TXNDC8: variants seen among roughly 807,000 people sequenced by gnomAD.
TXNDC8 encodes the protein thioredoxin domain-containing protein 8.
A neutral mutation model predicts 12.9 loss-of-function variants in TXNDC8; 15 were observed. The ratio of observed to expected loss-of-function variants is 1.16; its 90% confidence interval spans 0.78 to 1.79. The LOEUF is 1.79. TXNDC8 is among the 40% of genes most tolerant of loss of function. TXNDC8 has a pLI of 0.00. For synonymous variants in TXNDC8, 40 were observed against 35.4 expected (o/e 1.13, Z -0.46); for missense variants, 128 against 113.2 (o/e 1.13, Z -0.59).
intron 3 of TXNDC8, among the ~76,000 whole-genome samples, chr9:110,311,905 T>A (rs78301206): frequency 1.3e-5 from 2 of 149,380 alleles, no homozygotes; most frequent in African/African-American, 4.9e-5. Flanking sequence ...CTTTTTTTTT[T>A]AAGATGAAGT....
rs1237022268 is a variant in TXNDC8, at chr9:110,334,250, C to A, written c.95G>T (p.Cys32Phe). Residue 32 changes from cysteine to phenylalanine, a missense_variant, in exon 2 of 5, where the codon TGT (cysteine) becomes TTT (phenylalanine). Physicochemically the swap from Cys to Phe is radical, Grantham distance 205. Coordinates refer to ENST00000423740, the MANE Select transcript of TXNDC8 (RefSeq NM_001286946.2). The stretch of plus-strand genomic sequence containing the variant: ...AGGAAACATCCTTTTGCAGGGACCA[C>A]ACCGTTTCGAAGAAAATTGAACCAC... 6.2e-7 allele frequency: 1 copy of A among 1,613,822 alleles called. No individual in the cohort carries two copies. Among genetic ancestry groups the A allele is most frequent in the Admixed American group, 1.7e-5 (1 of 60,006 alleles).
chr9:110,332,463 T>C (rs940430698), intron 2 of TXNDC8, among the ~76,000 whole-genome samples: 5 of 152,220 alleles, frequency 3.3e-5, no homozygotes, highest in Non-Finnish European at 4.4e-5. Context: ...ATATCAAAGA[T>C]TGTGACTGTG....
intron 3 of TXNDC8, among the ~76,000 whole-genome samples, chr9:110,317,426 C>A (rs891243380): frequency 1.3e-5 from 2 of 152,200 alleles, no homozygotes; most frequent in Non-Finnish European, 2.9e-5. Context: ...TTGTGCCTAT[C>A]CTCTCTCCTT....
At chr9:110,334,419 G>GT in intron 1 of TXNDC8, 99 bp from the exon 2 acceptor site, 8 of 1,154,110 alleles carry the variant, frequency 6.9e-6, no homozygotes, top group Non-Finnish European at 1.0e-5. Flanking sequence ...TTTGTTTTTG[G>GT]TTTTTTTAAA....
At chr9:110,327,425 C>T (rs572297709) in intron 2 of TXNDC8, among the ~76,000 whole-genome samples, 12 of 151,768 alleles carry the variant, frequency 7.9e-5, no homozygotes, top group Admixed American at 3.9e-4. Context: ...CAGGTTCAAG[C>T]GATTCTCCTG....
chr9:110,326,046 G>A (rs2118834357), intron 3 of TXNDC8, 129 bp downstream of exon 4: 1 of 874,962 alleles, frequency 1.1e-6, no homozygotes, highest in Non-Finnish European at 1.8e-6. Context: ...CTTGTATGTA[G>A]AGAATTATAT....
chr9:110,312,059 A>G (rs969188099), intron 3 of TXNDC8, among the ~76,000 whole-genome samples: 3 of 151,844 alleles, frequency 2.0e-5, no homozygotes, highest in African/African-American at 4.8e-5. Flanking sequence ...CATGGACTGA[A>G]CTAAAAAAAA....
rs746198439 is a variant in TXNDC8 at position 110,305,764 on chromosome 9, C to CTTTCT, written c.196-1237_196-1233dup. 2.9e-3 allele frequency among the ~76,000 whole-genome samples: 395 copies of CTTTCT among 134,586 alleles called. 9 individuals carry two copies. The highest frequency in any genetic ancestry group is 3.9e-3 in the African/African-American group (141 of 36,146). The allele number at this position is 134,586 out of a possible 152,430, so 88.3% of individuals were successfully genotyped here. A position where few individuals can be genotyped will look rare whatever the true frequency, so the allele number is the denominator to read the frequency against. On this transcript the variant is annotated intron_variant, in intron 3 of 4. Transcript: ENST00000423740. ...TCTTCCCTTCCTTCCCTTCCCTTCC[C>CTTTCT]TTTCTTTTCTTTTCTTTTCTTTTCT...
chr9:110,303,632 G>A lies in TXNDC8; in HGVS notation c.*50C>T, dbSNP rs776679806. On this transcript the variant is annotated 3_prime_UTR_variant, in exon 5 of 5. Coordinates refer to ENST00000423740, the MANE Select transcript of TXNDC8 (RefSeq NM_001286946.2). ...AAACATTTATTGATTCAAGTGCTGC[G>A]AAAATGTTGAGGCTTTAAGGAATTT... 122 of 1,585,338 alleles carry A rather than the reference G, an allele frequency of 7.7e-5. 1 individual carries two copies. Among genetic ancestry groups the A allele is most frequent in the South Asian group, 5.1e-4 (45 of 88,434 alleles).
At chr9:110,307,809 C>T (rs10816967) in intron 3 of TXNDC8, among the ~76,000 whole-genome samples, 17,642 of 152,146 alleles carry the variant, frequency 0.12, 1,114 homozygotes, top group African/African-American at 0.17. Flanking sequence ...CCTGCCTTTC[C>T]GGACCAAACC....
intron 2 of TXNDC8, among the ~76,000 whole-genome samples, chr9:110,330,760 G>A (rs1587989278): frequency 6.6e-6 from 1 of 152,346 alleles, no homozygotes; most frequent in African/African-American, 2.4e-5. Context: ...CAGCAGCAAA[G>A]TTGAGTAACT....
chr9:110,315,247 G>A (rs1412474273), intron 3 of TXNDC8, among the ~76,000 whole-genome samples: 5 of 151,938 alleles, frequency 3.3e-5, no homozygotes, highest in Admixed American at 6.6e-5. Flanking sequence ...ACAAGCACCC[G>A]CCACCACACC....
intron 3 of TXNDC8, among the ~76,000 whole-genome samples, chr9:110,318,181 C>T (rs186021601): frequency 3.9e-5 from 6 of 152,306 alleles, no homozygotes; most frequent in Admixed American, 2.0e-4. Flanking sequence ...ACCGGAAGTT[C>T]ATTGCTAGAG....
At chr9:110,333,948 A>G (rs1338588524) in intron 2 of TXNDC8, among the ~76,000 whole-genome samples, 1 of 152,236 alleles carries the variant, frequency 6.6e-6, no homozygotes, top group Admixed American at 6.5e-5. Flanking sequence ...TAATATGAAG[A>G]ATCCATTAAT....
At chr9:110,303,384 G>GGTCGCCGTAT, downstream of TXNDC8, 1 of 974,040 alleles carries the variant, frequency 1.0e-6, no homozygotes. Context: ...CAGTGAGATT[G>GGTCGCCGTAT]CATTATGGTA....
chr9:110,325,869 A>G (rs1839295776), intron 3 of TXNDC8, among the ~76,000 whole-genome samples: 1 of 152,164 alleles, frequency 6.6e-6, no homozygotes. Context: ...TTCTCTGAAA[A>G]GAGTCTTTCT....
rs1348318901 is a variant in TXNDC8, at chr9:110,323,673, CTGAAGAAT to C, written c.195+2494_195+2501del. ...AGAAACCAACCCAGAGTTTACATAG[CTGAAGAAT>C]CTATGGGGATAGTGTAGGCTTCAGG... On this transcript the variant is annotated intron_variant, in intron 3 of 4. Coordinates refer to ENST00000423740, the MANE Select transcript of TXNDC8 (RefSeq NM_001286946.2). 3.7e-5 allele frequency: 20 copies of C among 536,724 alleles called. 1 individual carries two copies. The highest frequency in any genetic ancestry group is 2.0e-4 in the South Asian group (5 of 25,226). 33.2% of individuals were successfully genotyped at this position (536,724 alleles called of 1,614,324 possible). A position where few individuals can be genotyped will look rare whatever the true frequency, so the allele number is the denominator to read the frequency against.
intron 3 of TXNDC8, among the ~76,000 whole-genome samples, chr9:110,308,711 G>T (rs1035677457): frequency 6.6e-6 from 1 of 151,700 alleles, no homozygotes. Context: ...CTTCTACCAC[G>T]TACCTCCTTC....
chr9:110,332,168 T>A (rs1449607851), intron 2 of TXNDC8, among the ~76,000 whole-genome samples: 1 of 152,184 alleles, frequency 6.6e-6, no homozygotes, highest in Non-Finnish European at 1.5e-5. Context: ...AAGTCTTGAG[T>A]GTCAGCATGG....
Sources: gnomAD v4.1 joint callset for allele counts (sites outside exome capture counted in the v4.1 genomes callset) on GRCh38, gnomAD v4.1.1 for gene constraint, MANE v1.5 for transcripts, NCBI Gene and HGNC (gene_info 2026-07-23, HGNC 2026-07-21) for gene names.